CDKL3: variants seen among roughly 807,000 people sequenced by gnomAD.
CDKL3 encodes cyclin dependent kinase like 3.
A neutral mutation model predicts 69.3 loss-of-function variants in CDKL3; 65 were observed. That is an observed-to-expected ratio of 0.94 (90% CI 0.77 to 1.15). The LOEUF (loss-of-function observed/expected upper bound fraction) is 1.15, where lower values mean the gene tolerates loss of function less well. CDKL3 is among the 50% of genes most tolerant of loss of function. The pLI is 0.00. For missense variants in CDKL3, 652 were observed against 689.2 expected (o/e 0.95, Z 0.61); for synonymous variants, 202 against 221.6 (o/e 0.91, Z 0.79).
At chr5:134,349,510 G>A (rs1235053969) in intron 4 of CDKL3, among the ~76,000 whole-genome samples, 2 of 152,104 alleles carry the variant, frequency 1.3e-5, no homozygotes, top group Non-Finnish European at 2.9e-5. Flanking sequence ...TTCACAAAGA[G>A]GGTACCATTT....
intron 8 of CDKL3, among the ~76,000 whole-genome samples, chr5:134,289,372 T>C (rs1765024026): frequency 6.6e-6 from 1 of 152,122 alleles, no homozygotes; most frequent in Admixed American, 6.6e-5. Context: ...AATCCTGTTG[T>C]TAAAGTAATT....
intron 4 of CDKL3, among the ~76,000 whole-genome samples, chr5:134,328,965 T>C (rs1017100427): frequency 3.9e-5 from 6 of 152,146 alleles, no homozygotes; most frequent in African/African-American, 1.4e-4. Flanking sequence ...CTGAGAGAAT[T>C]TGTTGCTAAC....
At chr5:134,367,651 G>A (rs191413293), upstream of CDKL3, among the ~76,000 whole-genome samples, 133 of 152,284 alleles carry the variant, frequency 8.7e-4, no homozygotes, top group African/African-American at 3.0e-3. Context: ...TGGGATTACA[G>A]GCGTAAGCCA....
intron 4 of CDKL3, among the ~76,000 whole-genome samples, chr5:134,336,217 A>G (rs1490934492): frequency 6.6e-6 from 1 of 152,076 alleles, no homozygotes; most frequent in Non-Finnish European, 1.5e-5. Context: ...CTAGTTAGCC[A>G]TTCGTCTAAC....
upstream of CDKL3, chr5:134,367,243 T>C (rs1335199986): frequency 1.0e-6 from 1 of 985,176 alleles, no homozygotes; most frequent in Non-Finnish European, 1.2e-6. Context: ...AACGGAAACC[T>C]ACTCTGGGTA....
chr5:134,297,390 C>A (rs751845750), downstream of CDKL3, among the ~76,000 whole-genome samples: 1 of 152,016 alleles, frequency 6.6e-6, no homozygotes, highest in Non-Finnish European at 1.5e-5. Context: ...CTATTTTGGT[C>A]CCTCAGATCA....
chr5:134,325,618 T>C (rs1299880404), intron 4 of CDKL3, among the ~76,000 whole-genome samples: 1 of 152,180 alleles, frequency 6.6e-6, no homozygotes, highest in Non-Finnish European at 1.5e-5. Context: ...TGGTATTTAC[T>C]GTCTTTTTTT....
upstream of CDKL3, chr5:134,371,583 G>C: frequency 6.2e-7 from 1 of 1,612,400 alleles, no homozygotes; most frequent in Non-Finnish European, 8.5e-7. Context: ...TGACCGCGGG[G>C]CAGCTGCGGA....
intron 4 of CDKL3, among the ~76,000 whole-genome samples, chr5:134,340,413 T>C (rs553997399): frequency 6.6e-6 from 1 of 151,444 alleles, no homozygotes; most frequent in African/African-American, 2.4e-5. Context: ...ACAGAGAAAA[T>C]CAATGAAACC....
chr5:134,367,167 G>C lies in CDKL3; in HGVS notation c.-212C>G. ...ATGGAAACGCCGGCGGAGTTGCTGC[G>C]TTCTAGACTCGTGCGCAAGACCGGA... On this transcript the variant is annotated 5_prime_UTR_variant, in exon 1 of 13. Coordinates refer to ENST00000265334, the MANE Select transcript of CDKL3 (RefSeq NM_001113575.2). The C allele has an allele frequency of 1.0e-6, 1 of 985,738 alleles. No individual in the cohort carries two copies. Among genetic ancestry groups the C allele is most frequent in the Non-Finnish European group, 1.2e-6 (1 of 830,204 alleles). 61.1% of individuals were successfully genotyped at this position (985,738 alleles called of 1,614,324 possible).
Position 134,349,985 on chromosome 5 carries a change from C to T in CDKL3, c.539+264G>A, listed in dbSNP as rs191052415. On this transcript the variant is annotated intron_variant, in intron 4 of 12. Coordinates refer to ENST00000265334, the MANE Select transcript of CDKL3 (RefSeq NM_001113575.2). Reference sequence around the variant, plus strand: ...GGTAGATCACCTGAGGTCAGGAGTTCGAAACCAGCCTGACCAATATTGTGA... The same window carrying T: ...GGTAGATCACCTGAGGTCAGGAGTTTGAAACCAGCCTGACCAATATTGTGA... Among the ~76,000 whole-genome samples the T allele has an allele frequency of 7.2e-5, 11 of 152,088 alleles. No individual in the cohort carries two copies. In the East Asian group the frequency reaches 1.5e-3, roughly 21 times the overall value.
At chr5:134,370,728 T>A (rs952615249), upstream of CDKL3, among the ~76,000 whole-genome samples, 1 of 152,184 alleles carries the variant, frequency 6.6e-6, no homozygotes, top group South Asian at 2.1e-4. Context: ...CAAGGAACCA[T>A]TTCAGGAGAT....
chr5:134,300,167 C>T (rs1258642185), intron 12 of CDKL3, among the ~76,000 whole-genome samples: 2 of 151,998 alleles, frequency 1.3e-5, no homozygotes, highest in Admixed American at 6.6e-5. Flanking sequence ...GGTGAAACCC[C>T]GTCTCTACTC....
At chr5:134,319,220 A>T in intron 6 of CDKL3, 138 bp downstream of exon 6, 1 of 590,692 alleles carries the variant, frequency 1.7e-6, no homozygotes, top group Non-Finnish European at 2.7e-6. Context: ...AATCCCAACT[A>T]CTCGGAAGGC....
At chr5:134,338,305 A>C (rs573776880) in intron 4 of CDKL3, among the ~76,000 whole-genome samples, 2 of 152,312 alleles carry the variant, frequency 1.3e-5, no homozygotes, top group South Asian at 4.1e-4. Flanking sequence ...ACTGGAATTA[A>C]ACTAGTATAA....
intron 4 of CDKL3, among the ~76,000 whole-genome samples, chr5:134,342,867 TCA>T (rs1180065963): frequency 6.6e-6 from 1 of 152,016 alleles, no homozygotes; most frequent in Non-Finnish European, 1.5e-5. Context: ...GTAGAAAGAC[TCA>T]CACTTTCTGA....
intron 4 of CDKL3, among the ~76,000 whole-genome samples, chr5:134,347,561 T>C (rs1752217283): frequency 6.6e-6 from 1 of 151,992 alleles, no homozygotes; most frequent in Non-Finnish European, 1.5e-5. Context: ...TGGAATATTA[T>C]TCAGCCATAA....
intron 4 of CDKL3, among the ~76,000 whole-genome samples, chr5:134,330,203 C>G (rs1282369942): frequency 2.6e-5 from 4 of 151,652 alleles, no homozygotes; most frequent in African/African-American, 9.7e-5. Flanking sequence ...ACATTGTTAA[C>G]TGAAGAAAAA....
chr5:134,303,508 A>C (rs1217732961), intron 11 of CDKL3, among the ~76,000 whole-genome samples: 1 of 152,154 alleles, frequency 6.6e-6, no homozygotes, highest in Non-Finnish European at 1.5e-5. Flanking sequence ...AAATTTCTCA[A>C]ATACTATTCT....
Sources: gnomAD v4.1 joint callset for allele counts (sites outside exome capture counted in the v4.1 genomes callset) on GRCh38, gnomAD v4.1.1 for gene constraint, MANE v1.5 for transcripts, NCBI Gene and HGNC (gene_info 2026-07-23, HGNC 2026-07-21) for gene names.